LDB3: variants seen among roughly 807,000 people sequenced by gnomAD.
LDB3 encodes the protein LIM domain-binding protein 3.
A neutral mutation model predicts 69.0 loss-of-function variants in LDB3; 49 were observed. The observed-to-expected ratio is 0.71, with a 90% confidence interval of 0.56 to 0.90. LDB3 has a LOEUF of 0.90. Among genes scored for constraint, LDB3 ranks in the 40% least tolerant of loss-of-function variants. LDB3 has a pLI of 0.00. For missense variants in LDB3, 928 were observed against 974.1 expected, an observed-to-expected ratio of 0.95 and a Z score of 0.63; for synonymous variants, 387 against 396.2, an observed-to-expected ratio of 0.98 and a Z score of 0.28.
chr10:86,680,046 A>G (rs369350319), intron 3 of LDB3, 36 bp from the exon 4 acceptor site: 1 of 1,593,630 alleles, frequency 6.3e-7, no homozygotes, highest in Non-Finnish European at 8.6e-7. Context: ...CCCCAGGGGC[A>G]ACTTCCTCAC....
At chr10:86,689,390 C>T (rs1020529814) in intron 5 of LDB3, among the ~76,000 whole-genome samples, 1 of 152,212 alleles carries the variant, frequency 6.6e-6, no homozygotes, top group Admixed American at 6.5e-5. Context: ...GCTCTGTCCA[C>T]GCTCCTCCTC....
chr10:86,705,720 G>A (rs1025692063), intron 7 of LDB3, among the ~76,000 whole-genome samples: 1 of 152,188 alleles, frequency 6.6e-6, no homozygotes, highest in Non-Finnish European at 1.5e-5. Flanking sequence ...CAGTTACAAG[G>A]TCTTTCAGAT....
intron 9 of LDB3, among the ~76,000 whole-genome samples, chr10:86,714,596 C>T (rs1360034584): frequency 2.1e-5 from 3 of 145,820 alleles, no homozygotes; most frequent in Non-Finnish European, 4.5e-5. Flanking sequence ...TGCTCTGTTG[C>T]CCAGGCTGGA....
At chr10:86,691,750 A>T in intron 5 of LDB3, 146 bp from the exon 6 acceptor site, 1 of 907,102 alleles carries the variant, frequency 1.1e-6, no homozygotes, top group Non-Finnish European at 1.8e-6. Context: ...GGTCATGCCC[A>T]TATCTCAGGT....
At position 86,733,825 on chromosome 10, in the gene LDB3, T is replaced by G. The variant is rs1447741163; in HGVS notation, c.*849T>G. 2 of 152,230 alleles carry G rather than the reference T, an allele frequency of 1.3e-5. No homozygotes were observed. Among genetic ancestry groups the G allele is most frequent in the East Asian group, 3.8e-4 (2 of 5,198 alleles). The allele number at this position is 152,230 out of a possible 1,614,324, so 9.4% of individuals were successfully genotyped here. A position where few individuals can be genotyped will look rare whatever the true frequency, so the allele number is the denominator to read the frequency against. On this transcript the variant is annotated 3_prime_UTR_variant, in exon 14 of 14. Coordinates refer to ENST00000361373, the MANE Select transcript of LDB3 (RefSeq NM_007078.3). Reference sequence around the variant, plus strand: ...GGCTTTGGGTTGTCTTTGGCCTTTGTTTAGCTTTAAGGGTTCGTTAGCATG... The same window carrying G: ...GGCTTTGGGTTGTCTTTGGCCTTTGGTTAGCTTTAAGGGTTCGTTAGCATG...
At position 86,699,170 on chromosome 10, in the gene LDB3, A is replaced by C; in HGVS notation, c.896+6599A>C. ...CTCTGCCCCACCTGTTAGACAGGGG[A>C]ATGGTGAACACATTCCCTAACCCCT... On this transcript the variant is annotated intron_variant, in intron 7 of 13. Coordinates refer to ENST00000361373, the MANE Select transcript of LDB3 (RefSeq NM_007078.3). The surrounding 1 kb of genome is among the most constrained non-coding windows in gnomAD (Gnocchi z 4.9). 5.6e-6 allele frequency: 7 copies of C among 1,257,394 alleles called. No homozygotes were observed. The highest frequency in any genetic ancestry group is 5.2e-5 in the East Asian group (2 of 38,826). The allele number at this position is 1,257,394 out of a possible 1,614,324, so 77.9% of individuals were successfully genotyped here. A position where few individuals can be genotyped will look rare whatever the true frequency, so the allele number is the denominator to read the frequency against.
intron 7 of LDB3, among the ~76,000 whole-genome samples, chr10:86,696,991 T>A (rs1307856217): frequency 6.6e-6 from 1 of 152,136 alleles, no homozygotes; most frequent in African/African-American, 2.4e-5. Context: ...GTCCCTTTTG[T>A]CAAACAGTCT....
chr10:86,710,094 G>A lies in LDB3; in HGVS notation c.1231+44G>A, dbSNP rs554984860. 34 of 1,603,694 alleles carry A rather than the reference G, an allele frequency of 2.1e-5. No individual in the cohort carries two copies. In the East Asian group the frequency reaches 6.3e-4, roughly 30 times the overall value. ...GGGGAGGCTGTCGAAAGCCATGGGC[G>A]GGCTCCAGGAGCCACAAGAGCCAAG... On this transcript the variant is annotated intron_variant, in intron 9 of 13. Coordinates refer to ENST00000361373, the MANE Select transcript of LDB3 (RefSeq NM_007078.3).
intron 5 of LDB3, among the ~76,000 whole-genome samples, chr10:86,691,114 C>T (rs1212578451): frequency 1.3e-5 from 2 of 152,190 alleles, no homozygotes; most frequent in East Asian, 1.9e-4. Flanking sequence ...GCACTGGACC[C>T]GAGGGGCTCT....
In LDB3 at chr10:86,687,213, G is replaced by A. The variant is rs1397520636; in HGVS notation, c.690-4683G>A. On this transcript the variant is annotated intron_variant, in intron 5 of 13. Coordinates refer to ENST00000361373, the MANE Select transcript of LDB3 (RefSeq NM_007078.3). ...ACACGCCCATCAGCATGTATTCCCA[G>A]GATGCCATCATGGATGCCATCGCTG... 5 of 1,614,192 alleles carry A rather than the reference G, an allele frequency of 3.1e-6. No individual in the cohort carries two copies. In the South Asian group the frequency reaches 5.5e-5, roughly 18 times the overall value.
chr10:86,723,064 C>G (rs1404209046), intron 12 of LDB3, among the ~76,000 whole-genome samples: 1 of 151,354 alleles, frequency 6.6e-6, no homozygotes, highest in Non-Finnish European at 1.5e-5. Context: ...CCCAGGAGTT[C>G]AAGAACAGCT....
chr10:86,722,462 A>C lies in LDB3; in HGVS notation c.1978+3615A>C, dbSNP rs184889852. ...TTTTTGGTAGAGACAGGGTTTCACC[A>C]TGTTAGCCAGGATGGTCTCGATCTC... On this transcript the variant is annotated intron_variant, in intron 12 of 13. Transcript: ENST00000361373. Among the ~76,000 whole-genome samples, 757 of 149,142 alleles carry C rather than the reference A, an allele frequency of 5.1e-3. 13 individuals are homozygous for C. Among genetic ancestry groups the C allele is most frequent in the Admixed American group, 0.037 (558 of 14,896 alleles).
intron 5 of LDB3, among the ~76,000 whole-genome samples, chr10:86,683,776 A>G (rs1174000409): frequency 6.6e-6 from 1 of 152,172 alleles, no homozygotes; most frequent in Non-Finnish European, 1.5e-5. Flanking sequence ...GCCACCACCT[A>G]TGCTAAGTGG....
In LDB3 at chr10:86,699,372, T is replaced by C; in HGVS notation, c.896+6801T>C. 1 of 1,613,676 alleles carries C rather than the reference T, an allele frequency of 6.2e-7. No homozygotes were observed. The highest frequency in any genetic ancestry group is 8.5e-7 in the Non-Finnish European group (1 of 1,179,924). On this transcript the variant is annotated intron_variant, in intron 7 of 13. Transcript: ENST00000361373. This position sits in a 1 kb window ranked among gnomAD's most constrained non-coding sequence, Gnocchi z 4.9. Reference sequence around the variant, plus strand: ...AGCCCAAATCCTTAATGTTAAAAGCTAAAAGGCTGCCTGGAATCCCCCCAC... The same window carrying C: ...AGCCCAAATCCTTAATGTTAAAAGCCAAAAGGCTGCCTGGAATCCCCCCAC...
chr10:86,696,658 C>G (rs905467652), intron 7 of LDB3, among the ~76,000 whole-genome samples: 1 of 152,218 alleles, frequency 6.6e-6, no homozygotes, highest in Non-Finnish European at 1.5e-5. Context: ...TACAGGCAAA[C>G]TGCCTGTGTC....
intron 13 of LDB3, among the ~76,000 whole-genome samples, chr10:86,729,049 G>A (rs7908765): frequency 0.29 from 43,798 of 151,850 alleles, 7,423 homozygotes; most frequent in East Asian, 0.6. Flanking sequence ...AAAGATCTGG[G>A]GTAGCTCTCC....
At chr10:86,682,225 A>G (rs1386571681) in intron 5 of LDB3, among the ~76,000 whole-genome samples, 1 of 152,170 alleles carries the variant, frequency 6.6e-6, no homozygotes, top group East Asian at 1.9e-4. Flanking sequence ...AGGCAGGAGC[A>G]GGGGAGCGTT....
chr10:86,687,610 C>G lies in LDB3; in HGVS notation c.690-4286C>G, dbSNP rs1845555551. ...AACAAGGGGACCATTCTGGAGGCCCCCAGGCCTCTCACAGCGAAGCTGTCC... is the reference window on the plus strand; with the variant it reads ...AACAAGGGGACCATTCTGGAGGCCCGCAGGCCTCTCACAGCGAAGCTGTCC... On this transcript the variant is annotated intron_variant, in intron 5 of 13. Coordinates refer to ENST00000361373, the MANE Select transcript of LDB3 (RefSeq NM_007078.3). 3.3e-5 allele frequency among the ~76,000 whole-genome samples: 5 copies of G among 152,240 alleles called. No individual in the cohort carries two copies. In the South Asian group the frequency reaches 1.0e-3, roughly 31 times the overall value.
In LDB3 at chr10:86,718,780, G is replaced by A. The variant is rs150710377; in HGVS notation, c.1911G>A (p.Ala637=). Reference sequence around the variant, plus strand: ...GGCACACCACCTGCTTCGTCTGTGCGGCCTGCAAGAAGCCTTTTGGGAACA... The same window carrying A: ...GGCACACCACCTGCTTCGTCTGTGCAGCCTGCAAGAAGCCTTTTGGGAACA... ...QTWHTTCFVC[A]ACKKPFGNSL... Residue 637 remains alanine (A), a synonymous_variant, in exon 12 of 14, where the codon GCG becomes GCA. Transcript: ENST00000361373. 65 of 1,614,098 alleles carry A rather than the reference G, an allele frequency of 4.0e-5. No homozygotes were observed. The African/African-American group carries it at 6.5e-4, about 16-fold the overall frequency.
Sources: gnomAD v4.1 joint callset for allele counts (sites outside exome capture counted in the v4.1 genomes callset) on GRCh38, gnomAD v4.1.1 for gene constraint, Gnocchi (gnomAD v3.1) non-coding constraint, MANE v1.5 for transcripts, NCBI Gene and HGNC (gene_info 2026-07-23, HGNC 2026-07-21) for gene names.